The following SACM1L variants were observed in gnomAD, a reference collection of about 807,000 sequenced individuals.
SACM1L encodes SAC1 like phosphatidylinositide phosphatase.
Under a neutral mutation model 89.5 loss-of-function variants are expected in SACM1L, and 32 were observed. That is an observed-to-expected ratio of 0.36 (90% CI 0.27 to 0.48). SACM1L has a LOEUF of 0.48. Among genes scored for constraint, SACM1L ranks in the 20% least tolerant of loss-of-function variants. The pLI is 0.99. For synonymous variants in SACM1L, 213 were observed against 232.8 expected (o/e 0.92, Z 0.77); for missense variants, 543 against 708.5 (o/e 0.77, Z 2.65).
At chr3:45,715,254 G>T (rs1199779157) in intron 7 of SACM1L, among the ~76,000 whole-genome samples, 1 of 152,144 alleles carries the variant, frequency 6.6e-6, no homozygotes, top group East Asian at 1.9e-4. Flanking sequence ...TCAAGCACAT[G>T]TAAGAAGCTT....
rs754411761 is a variant in SACM1L at position 45,705,163 on chromosome 3, C to T, written c.159C>T (p.Val53=). 7.4e-6 allele frequency: 12 copies of T among 1,610,984 alleles called. No homozygotes were observed. In the East Asian group the frequency reaches 1.1e-4, roughly 15 times the overall value. ...AVKKDVPPSA[V]TRPIFGILGT... ...AGAAAGATGTTCCTCCTTCAGCTGT[C>T]ACAAGACCAATATTTGGTATACTGG... The change falls in exon 3 of 20, where the codon GTC becomes GTT. Residue 53 remains valine, a synonymous_variant. Coordinates refer to ENST00000389061, the MANE Select transcript of SACM1L (RefSeq NM_014016.5).
intron 7 of SACM1L, among the ~76,000 whole-genome samples, 200 bp downstream of exon 7, chr3:45,714,279 G>T: frequency 1.4e-5 from 2 of 147,004 alleles, no homozygotes. Context: ...CAGACTATAC[G>T]ATTCTCTCTC....
chr3:45,706,635 G>T, intron 3 of SACM1L, 145 bp from the exon 4 acceptor site: 1 of 498,352 alleles, frequency 2.0e-6, no homozygotes, highest in East Asian at 3.4e-5. Context: ...TAAATTGTAA[G>T]GTTGCTTTAA....
At chr3:45,706,625 T>TA (rs1426305403) in intron 3 of SACM1L, among the ~76,000 whole-genome samples, 155 bp from the exon 4 acceptor site, 1 of 152,236 alleles carries the variant, frequency 6.6e-6, no homozygotes, top group African/African-American at 2.4e-5. Flanking sequence ...TTTCTATTCA[T>TA]AAATTGTAAG....
Position 45,703,525 on chromosome 3 carries a change from T to C in SACM1L, c.120T>C (p.Val40=). Residue 40 remains valine, a synonymous_variant, in exon 2 of 20, where the codon GTT becomes GTC. Coordinates refer to ENST00000389061, the MANE Select transcript of SACM1L (RefSeq NM_014016.5). ...CCATTGACCGTGTGTCCACAGAGGT[T>C]ACCCTTGCAGGTATTTTACAGCCAG... ...VLTIDRVSTE[V]TLAVKKDVPP... is the part of the protein sequence containing the mutation. 6.2e-7 allele frequency: 1 copy of C among 1,609,078 alleles called. No homozygotes were observed. Among genetic ancestry groups the C allele is most frequent in the South Asian group, 1.1e-5 (1 of 90,918 alleles).
At chr3:45,692,625 T>G (rs1698022193) in intron 1 of SACM1L, among the ~76,000 whole-genome samples, 1 of 152,242 alleles carries the variant, frequency 6.6e-6, no homozygotes, top group South Asian at 2.1e-4. Flanking sequence ...AGAGTTTAGA[T>G]GAAGTACTTA....
rs1169225929 is a variant in SACM1L, at chr3:45,706,899, G to A, written c.325G>A (p.Asp109Asn). ...TAAGAAGACAATGTTGCACTTAACT[G>A]ATATTCAGGTAAGAACTGGAAATTG... is the stretch of plus-strand genomic sequence containing the variant. The part of the protein sequence containing the change: ...SYKKTMLHLT[D>N]IQLQDNKTFL... The change falls in exon 4 of 20, where the codon GAT becomes AAT. Residue 109 changes from aspartate to asparagine, a missense_variant. Asp to Asn is a conservative substitution (Grantham distance 23, BLOSUM62 1). Transcript: ENST00000389061. The A allele has an allele frequency of 6.2e-6, 10 of 1,612,964 alleles. No homozygotes were observed. The highest frequency in any genetic ancestry group is 2.5e-6 in the Non-Finnish European group (3 of 1,179,484).
At chr3:45,739,507 C>T in intron 18 of SACM1L, 80 bp from the exon 19 acceptor site, 1 of 1,223,176 alleles carries the variant, frequency 8.2e-7, no homozygotes, top group Admixed American at 1.7e-5. Flanking sequence ...ATTCTTTTCC[C>T]AAGCAATGCA....
At chr3:45,696,112 C>G (rs1030464736) in intron 1 of SACM1L, among the ~76,000 whole-genome samples, 1 of 151,866 alleles carries the variant, frequency 6.6e-6, no homozygotes, top group South Asian at 2.1e-4. Flanking sequence ...ATTCTCCTGC[C>G]TTAGCCTCCT....
chr3:45,691,271 A>G (rs1299251967), intron 1 of SACM1L, among the ~76,000 whole-genome samples: 2 of 152,120 alleles, frequency 1.3e-5, no homozygotes, highest in Admixed American at 6.5e-5. Context: ...GTTTCTGTAA[A>G]TGTGAAGGTA....
At chr3:45,732,261 T>C (rs1699092451) in intron 13 of SACM1L, 110 bp downstream of exon 13, 1 of 527,562 alleles carries the variant, frequency 1.9e-6, no homozygotes, top group East Asian at 3.1e-5. Flanking sequence ...TGGATTGTCA[T>C]TGCTTGTCTG....
At chr3:45,739,721 A>G (rs1033411727) in intron 19 of SACM1L, 77 bp downstream of exon 19, 33 of 1,305,460 alleles carry the variant, frequency 2.5e-5, no homozygotes, top group Middle Eastern at 1.9e-4. Flanking sequence ...TTTTGAGTTC[A>G]CCGAACACTT....
At chr3:45,738,698 G>T in intron 17 of SACM1L, 27 bp downstream of exon 17, 1 of 1,544,602 alleles carries the variant, frequency 6.5e-7, no homozygotes. Context: ...TGCTTTCCTG[G>T]CATTACGTGG....
At chr3:45,694,030 A>G (rs1483420008) in intron 1 of SACM1L, among the ~76,000 whole-genome samples, 3 of 152,214 alleles carry the variant, frequency 2.0e-5, no homozygotes, top group African/African-American at 7.2e-5. Flanking sequence ...TAGGTGTCAC[A>G]TTTCCTTTGC....
intron 2 of SACM1L, 64 bp downstream of exon 2, chr3:45,703,599 A>G (rs1329675619): frequency 1.8e-6 from 2 of 1,096,382 alleles, no homozygotes; most frequent in East Asian, 2.4e-5. Context: ...ACAGTAATTA[A>G]AAAACATCAC....
In SACM1L at chr3:45,689,418, C is replaced by CG. The variant is rs1559531599; in HGVS notation, c.-47dup. On this transcript the variant is annotated 5_prime_UTR_variant, in exon 1 of 20. Transcript: ENST00000389061. ...GGTAGAGTTGTAGCCGAGGTGGCGG[C>CG]GCGGGGCGGGGCGGGCGGAGAGAGA... The CG allele has an allele frequency of 1.3e-6, 2 of 1,557,360 alleles. No homozygotes were observed. The highest frequency in any genetic ancestry group is 2.4e-5 in the South Asian group (2 of 84,572).
At chr3:45,690,515 A>G (rs1200846340) in intron 1 of SACM1L, 1 of 152,268 alleles carries the variant, frequency 6.6e-6, no homozygotes, top group Non-Finnish European at 1.5e-5. Context: ...TGGTTTGGGC[A>G]CTTAAGCTCC....
In SACM1L at chr3:45,738,657, G is replaced by C; in HGVS notation, c.1462G>C (p.Asp488His). 2 of 1,608,036 alleles carry C rather than the reference G, an allele frequency of 1.2e-6. No homozygotes were observed. Among genetic ancestry groups the C allele is most frequent in the East Asian group, 2.2e-5 (1 of 44,758 alleles). The stretch of plus-strand genomic sequence containing the variant: ...ACGATATTATAAGAACAACTTTTCC[G>C]ATGGATTTAGACAAGTAAGTTTGTA... ...MIRYYKNNFS[D>H]GFRQDSIDLF... is the part of the protein sequence containing the mutation. Residue 488 changes from aspartate (D) to histidine (H), a missense_variant, in exon 17 of 20, where the codon GAT becomes CAT. Around this residue, in one of 2 missense-constraint regions of SACM1L, gnomAD observed 370 missense variants for 527.6 expected, o/e 0.70. Transcript: ENST00000389061.
rs111595928 is a variant in SACM1L at position 45,699,016 on chromosome 3, A to G, written c.33-4422A>G. Among the ~76,000 whole-genome samples the G allele has an allele frequency of 4.5e-3, 679 of 152,114 alleles. 2 individuals are homozygous for G. The highest frequency in any genetic ancestry group is 7.8e-3 in the Non-Finnish European group (529 of 67,972). On this transcript the variant is annotated intron_variant, in intron 1 of 19. Transcript: ENST00000389061. Reference sequence around the variant, plus strand: ...TCTCGATCTCCTGACCTTGTGATCCACCCGCCTCGGCCTCCCAAAGTGCTG... The same window carrying G: ...TCTCGATCTCCTGACCTTGTGATCCGCCCGCCTCGGCCTCCCAAAGTGCTG...
Sources: gnomAD v4.1 joint callset for allele counts (sites outside exome capture counted in the v4.1 genomes callset) on GRCh38, gnomAD v4.1.1 for gene constraint, gnomAD v4.1.1 regional missense constraint, MANE v1.5 for transcripts, NCBI Gene and HGNC (gene_info 2026-07-23, HGNC 2026-07-21) for gene names.